OXR1: variants seen among roughly 807,000 people sequenced by gnomAD.
The protein encoded by OXR1 is oxidation resistance 1.
In OXR1, 41 loss-of-function variants were observed where a neutral mutation model predicts 104.6. That is an observed-to-expected ratio of 0.39 (90% confidence interval 0.31 to 0.51). The LOEUF (loss-of-function observed/expected upper bound fraction) is 0.51. Ranked by LOEUF, OXR1 falls within the 20% of genes least tolerant of loss-of-function variation. The probability of loss-of-function intolerance (pLI) is 0.77; values close to 1 mark genes in which losing one functional copy is unlikely to be tolerated. For missense variants in OXR1, 955 were observed against 1,031.9 expected (o/e 0.93, Z 1.02); for synonymous variants, 348 against 348.4 (o/e 1.00, Z 0.01).
intron 3 of OXR1, among the ~76,000 whole-genome samples, chr8:106,594,609 T>C (rs1563630327): frequency 2.0e-5 from 3 of 152,168 alleles, no homozygotes; most frequent in Non-Finnish European, 2.9e-5. Context: ...TAATCTCTTC[T>C]CAGAGCAAGT....
At chr8:106,743,632 G>T (rs1201020944) in intron 15 of OXR1, among the ~76,000 whole-genome samples, 2 of 152,166 alleles carry the variant, frequency 1.3e-5, no homozygotes, top group African/African-American at 4.8e-5. Flanking sequence ...AAAAAGGAAT[G>T]TTTTTACCCT....
At chr8:106,363,967 A>G (rs1305395206) in intron 2 of OXR1, among the ~76,000 whole-genome samples, 3 of 151,972 alleles carry the variant, frequency 2.0e-5, no homozygotes, top group Admixed American at 1.3e-4. Flanking sequence ...AAAAGGGTCC[A>G]TTATGTATGC....
intron 2 of OXR1, among the ~76,000 whole-genome samples, chr8:106,491,866 GTTATC>G (rs1321207793): frequency 2.0e-5 from 3 of 152,078 alleles, no homozygotes; most frequent in African/African-American, 7.2e-5. Context: ...CACATGCTAA[GTTATC>G]TTTGTCACCT....
chr8:106,374,928 C>T lies in OXR1; in HGVS notation c.23+15292C>T, dbSNP rs181131874. 8.1e-3 allele frequency among the ~76,000 whole-genome samples: 1,231 copies of T among 152,204 alleles called. 15 individuals carry two copies. Among genetic ancestry groups the T allele is most frequent in the Non-Finnish European group, 9.8e-3 (665 of 68,018 alleles). On this transcript the variant is annotated intron_variant, in intron 2 of 16. Coordinates refer to ENST00000517566, the MANE Select transcript of OXR1 (RefSeq NM_001198533.2). ...TGTGCACACTAGCCTCATAGACTCC[C>T]GCTGTAATTGAAAATTGGTTTTGCT...
chr8:106,523,328 A>G (rs1312806002), intron 3 of OXR1, among the ~76,000 whole-genome samples: 1 of 152,170 alleles, frequency 6.6e-6, no homozygotes, highest in Non-Finnish European at 1.5e-5. Context: ...TCCATCATAA[A>G]TTCCAGACCC....
chr8:106,453,211 C>T (rs543600258), intron 2 of OXR1, among the ~76,000 whole-genome samples: 1 of 152,314 alleles, frequency 6.6e-6, no homozygotes, highest in East Asian at 1.9e-4. Flanking sequence ...CACATAATCA[C>T]ATTGGTGTCA....
chr8:106,377,380 C>T, intron 2 of OXR1, among the ~76,000 whole-genome samples: 1 of 152,136 alleles, frequency 6.6e-6, no homozygotes, highest in Non-Finnish European at 1.5e-5. Flanking sequence ...GAGATGAGGT[C>T]TCACTTTGTT....
chr8:106,747,711 G>T (rs990379968), intron 16 of OXR1, among the ~76,000 whole-genome samples: 15 of 152,156 alleles, frequency 9.9e-5, no homozygotes, highest in Admixed American at 8.5e-4. Context: ...GGTACCCATT[G>T]TCCTAAAATG....
intron 1 of OXR1, among the ~76,000 whole-genome samples, chr8:106,309,799 G>A (rs1005059643): frequency 4.0e-5 from 6 of 150,060 alleles, no homozygotes; most frequent in Admixed American, 1.3e-4. Context: ...ATATATAAAG[G>A]TATATGTATA....
At chr8:106,656,210 T>C (rs1175741011) in intron 3 of OXR1, 1 of 152,260 alleles carries the variant, frequency 6.6e-6, no homozygotes, top group Non-Finnish European at 1.5e-5. Context: ...TTCCAGATGC[T>C]ATAATAAAGC....
chr8:106,372,942 G>A (rs544374584), intron 2 of OXR1, among the ~76,000 whole-genome samples: 35 of 152,162 alleles, frequency 2.3e-4, no homozygotes, highest in East Asian at 5.8e-4. Flanking sequence ...AGTCACCCTC[G>A]ATATCCATGA....
Position 106,395,536 on chromosome 8 carries a change from C to A in OXR1, c.23+35900C>A, listed in dbSNP as rs371318242. 1.5e-4 allele frequency among the ~76,000 whole-genome samples: 23 copies of A among 152,224 alleles called. No homozygotes were observed. The South Asian group carries it at 4.6e-3, about 30-fold the overall frequency. On this transcript the variant is annotated intron_variant, in intron 2 of 16. Transcript: ENST00000517566. ...ACAAGAATAGCATGGGAAAGACTGGCCCCCATAATTCAATCACCTCCTCCT... is the reference window on the plus strand; with the variant it reads ...ACAAGAATAGCATGGGAAAGACTGGACCCCATAATTCAATCACCTCCTCCT...
intron 1 of OXR1, among the ~76,000 whole-genome samples, chr8:106,351,794 T>C (rs1475554168): frequency 6.6e-6 from 1 of 152,230 alleles, no homozygotes; most frequent in Non-Finnish European, 1.5e-5. Context: ...TCATCATCAT[T>C]GTATGAACTC....
At chr8:106,618,418 T>C (rs1821418762) in intron 3 of OXR1, among the ~76,000 whole-genome samples, 1 of 152,186 alleles carries the variant, frequency 6.6e-6, no homozygotes, top group Non-Finnish European at 1.5e-5. Context: ...AGAATATCTT[T>C]CTAAAAAGAC....
At chr8:106,401,970 G>C (rs1818021732) in intron 2 of OXR1, among the ~76,000 whole-genome samples, 1 of 152,154 alleles carries the variant, frequency 6.6e-6, no homozygotes, top group Non-Finnish European at 1.5e-5. Flanking sequence ...GGACAGTGAA[G>C]GTGTATTGGT....
intron 3 of OXR1, among the ~76,000 whole-genome samples, chr8:106,523,284 T>C (rs978565579): frequency 6.6e-6 from 1 of 152,202 alleles, no homozygotes; most frequent in South Asian, 2.1e-4. Context: ...TTTTTCTGTC[T>C]TAAGGTCCAC....
chr8:106,308,880 CAT>C (rs1404706283), intron 1 of OXR1, among the ~76,000 whole-genome samples: 1 of 152,148 alleles, frequency 6.6e-6, no homozygotes, highest in Non-Finnish European at 1.5e-5. Context: ...GCAAAGCAGA[CAT>C]AAATAGTTCT....
intron 2 of OXR1, among the ~76,000 whole-genome samples, chr8:106,517,675 T>G (rs1812948269): frequency 6.6e-6 from 1 of 152,170 alleles, no homozygotes; most frequent in Non-Finnish European, 1.5e-5. Context: ...TGCAATGTAG[T>G]TATAATTTGT....
chr8:106,487,421 TA>T lies in OXR1; in HGVS notation c.24-31521del, dbSNP rs1312541480. Among the ~76,000 whole-genome samples the T allele has an allele frequency of 1.1e-3, 168 of 148,668 alleles. 1 individual carries two copies. The highest frequency in any genetic ancestry group is 3.5e-3 in the Middle Eastern group (1 of 288). Reference sequence around the variant, plus strand: ...GTACATATTTATGGGATACATGTGATATTTTGTTTTTTTTATTATACTTTAA... The same window carrying T: ...GTACATATTTATGGGATACATGTGATTTTTGTTTTTTTTATTATACTTTAA... On this transcript the variant is annotated intron_variant, in intron 2 of 16. Transcript: ENST00000517566.
Sources: gnomAD v4.1 joint callset for allele counts (sites outside exome capture counted in the v4.1 genomes callset) on GRCh38, gnomAD v4.1.1 for gene constraint, MANE v1.5 for transcripts, NCBI Gene and HGNC (gene_info 2026-07-23, HGNC 2026-07-21) for gene names.